SLIT3: variants seen among roughly 807,000 people sequenced by gnomAD.
SLIT3 encodes the protein slit guidance ligand 3, also known as slit homolog 3 protein.
In SLIT3, 68 loss-of-function variants were observed where a neutral mutation model predicts 184.0. The ratio of observed to expected loss-of-function variants is 0.37; its 90% CI spans 0.30 to 0.45. The LOEUF (loss-of-function observed/expected upper bound fraction) is 0.45, where lower values mean the gene tolerates loss of function less well. SLIT3 is among the 20% of genes least tolerant of loss of function. SLIT3 has a pLI of 1.00. For missense variants in SLIT3, 1,707 were observed against 2,026.0 expected, an observed-to-expected ratio of 0.84 and a Z score of 3.02; for synonymous variants, 831 against 828.6, an observed-to-expected ratio of 1.00 and a Z score of -0.05.
chr5:169,270,526 C>T (rs939277394), intron 1 of SLIT3, among the ~76,000 whole-genome samples: 2 of 152,070 alleles, frequency 1.3e-5, no homozygotes, highest in African/African-American at 2.4e-5. Flanking sequence ...CGCACTGATC[C>T]GTTTATACAT....
intron 4 of SLIT3, among the ~76,000 whole-genome samples, chr5:169,143,620 G>A (rs573014855): frequency 5.3e-5 from 8 of 152,312 alleles, no homozygotes; most frequent in African/African-American, 1.4e-4. Context: ...CCAACATGGC[G>A]AAAACCCGTC....
In SLIT3 at chr5:168,993,761, G is replaced by T. The variant is rs114080631; in HGVS notation, c.414-110425C>A. 1.3e-3 allele frequency among the ~76,000 whole-genome samples: 190 copies of T among 151,982 alleles called. 2 individuals are homozygous for T. Among genetic ancestry groups the T allele is most frequent in the African/African-American group, 4.5e-3 (187 of 41,452 alleles). ...GACGGGCACAGAAATCTATCACCTT[G>T]TTCCTGGTCAGGGGCCACCTTCTCT... On this transcript the variant is annotated intron_variant, in intron 4 of 35. Coordinates refer to ENST00000519560, the MANE Select transcript of SLIT3 (RefSeq NM_003062.4).
intron 4 of SLIT3, among the ~76,000 whole-genome samples, chr5:169,101,836 T>C (rs1334649248): frequency 6.6e-6 from 1 of 152,176 alleles, no homozygotes; most frequent in Non-Finnish European, 1.5e-5. Context: ...CTTTTATCTT[T>C]TTCTCCACCG....
chr5:169,143,008 G>C (rs1345677740), intron 4 of SLIT3, among the ~76,000 whole-genome samples: 1 of 152,218 alleles, frequency 6.6e-6, no homozygotes, highest in African/African-American at 2.4e-5. Context: ...GGAGAATGAT[G>C]CTGAGATGCA....
At chr5:169,141,314 T>C (rs1390654736) in intron 4 of SLIT3, among the ~76,000 whole-genome samples, 2 of 151,894 alleles carry the variant, frequency 1.3e-5, no homozygotes, top group South Asian at 2.1e-4. Context: ...ACAAAGCTGA[T>C]TTTAGGATCT....
intron 5 of SLIT3, among the ~76,000 whole-genome samples, chr5:168,872,794 C>T (rs374076123): frequency 2.0e-5 from 3 of 151,926 alleles, no homozygotes; most frequent in African/African-American, 7.3e-5. Flanking sequence ...GCACCCGCCA[C>T]CACACCCGGC....
chr5:169,260,234 A>G (rs1766115529), intron 1 of SLIT3, among the ~76,000 whole-genome samples: 1 of 152,194 alleles, frequency 6.6e-6, no homozygotes, highest in South Asian at 2.1e-4. Flanking sequence ...AGAGGCCCCC[A>G]TAGCACTTCC....
intron 4 of SLIT3, among the ~76,000 whole-genome samples, chr5:169,088,047 A>C (rs1339861757): frequency 6.6e-6 from 1 of 152,210 alleles, no homozygotes; most frequent in African/African-American, 2.4e-5. Flanking sequence ...AGGAGGGCAG[A>C]GGTGCCCCTA....
At chr5:169,248,347 T>A (rs1320859250) in intron 2 of SLIT3, among the ~76,000 whole-genome samples, 2 of 152,116 alleles carry the variant, frequency 1.3e-5, no homozygotes, top group Non-Finnish European at 2.9e-5. Flanking sequence ...ACTTCCTAGT[T>A]CCATCACATT....
intron 4 of SLIT3, among the ~76,000 whole-genome samples, chr5:169,147,598 T>G (rs1581458704): frequency 6.6e-6 from 1 of 152,370 alleles, no homozygotes; most frequent in East Asian, 1.9e-4. Flanking sequence ...ATTACAGCAC[T>G]ATCCACGAGG....
chr5:169,190,962 C>T lies in SLIT3; in HGVS notation c.413+2517G>A, dbSNP rs1189077697. Among the ~76,000 whole-genome samples the T allele has an allele frequency of 2.0e-5, 3 of 152,146 alleles. No individual in the cohort carries two copies. The East Asian group carries it at 5.8e-4, about 29-fold the overall frequency. On this transcript the variant is annotated intron_variant, in intron 4 of 35. Transcript: ENST00000519560. ...GAAAAAGGGATTGCTGATTATAGCC[C>T]AAACTTGGGTTAATATAGCTGCTTC...
At chr5:169,128,224 G>T (rs1200571940) in intron 4 of SLIT3, among the ~76,000 whole-genome samples, 1 of 147,808 alleles carries the variant, frequency 6.8e-6, no homozygotes, top group Non-Finnish European at 1.5e-5. Context: ...ACGGGTCATG[G>T]ATTATATATA....
At chr5:168,960,021 C>T (rs1409012354) in intron 4 of SLIT3, among the ~76,000 whole-genome samples, 1 of 152,200 alleles carries the variant, frequency 6.6e-6, no homozygotes, top group Non-Finnish European at 1.5e-5. Flanking sequence ...CAGTCATGGG[C>T]AGGCAGGCTC....
At chr5:168,788,503 A>G (rs890726320) in intron 11 of SLIT3, among the ~76,000 whole-genome samples, 15 of 152,214 alleles carry the variant, frequency 9.9e-5, no homozygotes, top group African/African-American at 3.1e-4. Context: ...CTGGAGCCAG[A>G]CAGCATGGGT....
rs943178116 is a variant in SLIT3, at chr5:169,088,094, T to A, written c.413+105385A>T. Among the ~76,000 whole-genome samples the A allele has an allele frequency of 1.3e-4, 20 of 152,212 alleles. 1 individual carries two copies. The highest frequency in any genetic ancestry group is 4.8e-4 in the African/African-American group (20 of 41,456). ...CTTACAATTCTCTGCATGGTAGCCA[T>A]TCCCTACCGCTGTTTTCTTGGCCAA... On this transcript the variant is annotated intron_variant, in intron 4 of 35. Coordinates refer to ENST00000519560, the MANE Select transcript of SLIT3 (RefSeq NM_003062.4).
intron 4 of SLIT3, among the ~76,000 whole-genome samples, chr5:169,123,863 AG>A (rs1760978840): frequency 6.6e-6 from 1 of 152,152 alleles, no homozygotes; most frequent in African/African-American, 2.4e-5. Flanking sequence ...CTGATGTTCT[AG>A]GGGGCCAAAA....
At chr5:169,022,437 G>A (rs577702468) in intron 4 of SLIT3, among the ~76,000 whole-genome samples, 1 of 152,312 alleles carries the variant, frequency 6.6e-6, no homozygotes, top group African/African-American at 2.4e-5. Context: ...TTATTTGCAA[G>A]TGCCTGCTAT....
chr5:168,990,126 C>T (rs1231664146), intron 4 of SLIT3, among the ~76,000 whole-genome samples: 3 of 152,200 alleles, frequency 2.0e-5, no homozygotes, highest in Admixed American at 2.0e-4. Flanking sequence ...GAACTCACTA[C>T]AGTCCAACTG....
At chr5:169,113,784 T>C (rs1760537563) in intron 4 of SLIT3, among the ~76,000 whole-genome samples, 1 of 151,860 alleles carries the variant, frequency 6.6e-6, no homozygotes, top group Non-Finnish European at 1.5e-5. Flanking sequence ...GCTTCCCAAG[T>C]AGCTGGGATT....
Sources: gnomAD v4.1 joint callset for allele counts (sites outside exome capture counted in the v4.1 genomes callset) on GRCh38, gnomAD v4.1.1 for gene constraint, MANE v1.5 for transcripts, NCBI Gene and HGNC (gene_info 2026-07-23, HGNC 2026-07-21) for gene names.